Variants in TRIM71 observed in about 807,000 individuals in gnomAD.
TRIM71 encodes tripartite motif containing 71, also known as E3 ubiquitin-protein ligase TRIM71.
TRIM71 carries 9 observed loss-of-function variants against 61.2 expected under a neutral mutation model. The observed-to-expected ratio is 0.15, with a 90% confidence interval of 0.09 to 0.26. The LOEUF (loss-of-function observed/expected upper bound fraction) is 0.26. Ranked by LOEUF, TRIM71 falls within the 10% of genes least tolerant of loss-of-function variation. The probability of loss-of-function intolerance (pLI) is 1.00; values close to 1 mark genes in which losing one functional copy is unlikely to be tolerated. For synonymous variants in TRIM71, 645 were observed against 553.2 expected (o/e 1.17, Z -2.33); for missense variants, 998 against 1,238.7 (o/e 0.81, Z 2.92).
In TRIM71 at chr3:32,874,672, A is replaced by G. The variant is rs144835039; in HGVS notation, c.1020+687A>G. Among the ~76,000 whole-genome samples the G allele has an allele frequency of 0.017, 2,494 of 149,666 alleles. 162 individuals are homozygous for G. The East Asian group carries it at 0.24, about 14-fold the overall frequency. On this transcript the variant is annotated intron_variant, in intron 2 of 3. Transcript: ENST00000383763. ...CGAGTAGCTGGGACTACAGGCGCCC[A>G]CCACCACGCCCGGCTAATTTTTTGT... is the stretch of plus-strand genomic sequence containing the variant.
intron 1 of TRIM71, among the ~76,000 whole-genome samples, chr3:32,863,766 C>G (rs1696700278): frequency 1.3e-5 from 2 of 151,986 alleles, no homozygotes; most frequent in Admixed American, 1.3e-4. Context: ...ACTGCAGCCT[C>G]TGCCTCCCGG....
Position 32,848,152 on chromosome 3 carries a change from G to GA in TRIM71, c.853-25665dup, listed in dbSNP as rs558923177. 1.3e-3 allele frequency among the ~76,000 whole-genome samples: 192 copies of GA among 152,310 alleles called. 3 individuals are homozygous for GA. In the South Asian group the frequency reaches 0.038, roughly 30 times the overall value. On this transcript the variant is annotated intron_variant, in intron 1 of 3. Coordinates refer to ENST00000383763, the MANE Select transcript of TRIM71 (RefSeq NM_001039111.3). ...GGCAAAGAGCCACTTAATACTGTGTGACCTCATGTGAGTTAATCTCTTTGC... is the reference window on the plus strand; with the variant it reads ...GGCAAAGAGCCACTTAATACTGTGTGAACCTCATGTGAGTTAATCTCTTTGC...
At chr3:32,870,279 C>CT (rs1696781107) in intron 1 of TRIM71, among the ~76,000 whole-genome samples, 1 of 152,108 alleles carries the variant, frequency 6.6e-6, no homozygotes. Flanking sequence ...ACAATGCATT[C>CT]TTTTAAAAAT....
At chr3:32,881,167 C>T (rs943856707) in intron 2 of TRIM71, among the ~76,000 whole-genome samples, 2 of 151,952 alleles carry the variant, frequency 1.3e-5, no homozygotes, top group Admixed American at 6.6e-5. Flanking sequence ...TACAGGTACC[C>T]GTCACCACAC....
At chr3:32,863,401 G>A (rs1191277848) in intron 1 of TRIM71, among the ~76,000 whole-genome samples, 1 of 151,772 alleles carries the variant, frequency 6.6e-6, no homozygotes, top group African/African-American at 2.4e-5. Context: ...GGTCTTTGTT[G>A]GCCGGGCTAA....
At chr3:32,861,271 G>C (rs1696665890) in intron 1 of TRIM71, among the ~76,000 whole-genome samples, 1 of 151,096 alleles carries the variant, frequency 6.6e-6, no homozygotes, top group Admixed American at 6.6e-5. Context: ...TCCGCCTCCA[G>C]GTTCAAGCAA....
chr3:32,851,471 T>TTTTTTG (rs1383050166), intron 1 of TRIM71, among the ~76,000 whole-genome samples: 2 of 152,240 alleles, frequency 1.3e-5, no homozygotes, highest in African/African-American at 4.8e-5. Context: ...GGAAACTTTG[T>TTTTTTG]TTTTTGTTTT....
intron 1 of TRIM71, among the ~76,000 whole-genome samples, chr3:32,844,877 C>T (rs1696454755): frequency 6.6e-6 from 1 of 152,338 alleles, no homozygotes; most frequent in South Asian, 2.1e-4. Context: ...CCATTCCGTA[C>T]TTCCAAAGTT....
chr3:32,848,687 C>G (rs1696504606), intron 1 of TRIM71, among the ~76,000 whole-genome samples: 1 of 152,142 alleles, frequency 6.6e-6, no homozygotes, highest in South Asian at 2.1e-4. Context: ...TGCCTGATGC[C>G]TCTTCATTTT....
intron 1 of TRIM71, among the ~76,000 whole-genome samples, chr3:32,838,955 C>G (rs1696371834): frequency 6.6e-6 from 1 of 151,926 alleles, no homozygotes; most frequent in South Asian, 2.1e-4. Context: ...TGCATGGCAC[C>G]ACGCCTGGCT....
chr3:32,845,513 A>C (rs1696460539), intron 1 of TRIM71, among the ~76,000 whole-genome samples: 1 of 152,054 alleles, frequency 6.6e-6, no homozygotes, highest in Non-Finnish European at 1.5e-5. Context: ...AGGAGTCTTC[A>C]GTTTGGGGGT....
chr3:32,856,519 A>G (rs73044172), intron 1 of TRIM71, among the ~76,000 whole-genome samples: 15,572 of 152,194 alleles, frequency 0.1, 836 homozygotes, highest in East Asian at 0.21. Context: ...CAATAAGGAA[A>G]TGTACTGGAT....
intron 1 of TRIM71, among the ~76,000 whole-genome samples, chr3:32,843,052 T>C (rs1413734611): frequency 2.0e-5 from 3 of 152,160 alleles, no homozygotes; most frequent in Non-Finnish European, 4.4e-5. Context: ...ATCGGGGTGT[T>C]GGCCACAGCC....
chr3:32,893,277 TA>T lies in TRIM71; in HGVS notation c.*1469del, dbSNP rs992128010. The T allele has an allele frequency of 5.9e-5, 9 of 151,904 alleles. No homozygotes were observed. The highest frequency in any genetic ancestry group is 2.2e-4 in the African/African-American group (9 of 41,318). The allele number at this position is 151,904 out of a possible 1,614,324, so 9.4% of individuals were successfully genotyped here. A position where few individuals can be genotyped will look rare whatever the true frequency, so the allele number is the denominator to read the frequency against. On this transcript the variant is annotated 3_prime_UTR_variant, in exon 4 of 4. Transcript: ENST00000383763. ...AAATGTAGGATGTAATGTCTTTTCT[TA>T]AACCTGTAACTCGGTACCAAAGAAT...
Position 32,874,183 on chromosome 3 carries a change from G to C in TRIM71, c.1020+198G>C, listed in dbSNP as rs74402943. On this transcript the variant is annotated intron_variant, in intron 2 of 3. Transcript: ENST00000383763. ...TGAAGATGTCAGGGATGTGGCCAAA[G>C]TTACTGGTCAGATTTCTAAGCACCT... Among the ~76,000 whole-genome samples the C allele has an allele frequency of 0.017, 2,522 of 152,130 alleles. 170 individuals carry two copies. In the East Asian group the frequency reaches 0.24, roughly 14 times the overall value.
chr3:32,829,319 G>C (rs1235261696), intron 1 of TRIM71, among the ~76,000 whole-genome samples: 1 of 151,850 alleles, frequency 6.6e-6, no homozygotes, highest in African/African-American at 2.4e-5. Context: ...CGAGTAGCTG[G>C]GATTACAGGC....
At chr3:32,824,263 C>T (rs1696175182) in intron 1 of TRIM71, among the ~76,000 whole-genome samples, 1 of 151,266 alleles carries the variant, frequency 6.6e-6, no homozygotes, top group Non-Finnish European at 1.5e-5. Flanking sequence ...CTACAACCTC[C>T]ACCTCACGGG....
intron 1 of TRIM71, among the ~76,000 whole-genome samples, chr3:32,862,557 C>A (rs1214484663): frequency 1.3e-5 from 2 of 152,196 alleles, no homozygotes; most frequent in East Asian, 3.9e-4. Flanking sequence ...TAAATGTCAG[C>A]CCCAAAGTAC....
Position 32,893,894 on chromosome 3 carries a change from A to G in TRIM71, c.*2083A>G, listed in dbSNP as rs1697053067. 1 of 152,134 alleles carries G rather than the reference A, an allele frequency of 6.6e-6. No homozygotes were observed. The highest frequency in any genetic ancestry group is 2.1e-4 in the South Asian group (1 of 4,820). The allele number at this position is 152,134 out of a possible 1,614,324, so 9.4% of individuals were successfully genotyped here. ...ACCTCATCTCACAGAGGAGAACTGCATGCAATAAAAGATTCAAAAGTTGGA... is the reference window on the plus strand; with the variant it reads ...ACCTCATCTCACAGAGGAGAACTGCGTGCAATAAAAGATTCAAAAGTTGGA... On this transcript the variant is annotated 3_prime_UTR_variant, in exon 4 of 4. Coordinates refer to ENST00000383763, the MANE Select transcript of TRIM71 (RefSeq NM_001039111.3).
Sources: gnomAD v4.1 joint callset for allele counts (sites outside exome capture counted in the v4.1 genomes callset) on GRCh38, gnomAD v4.1.1 for gene constraint, MANE v1.5 for transcripts, NCBI Gene and HGNC (gene_info 2026-07-23, HGNC 2026-07-21) for gene names.